The following MAGI2 variants were observed in gnomAD, a reference collection of about 807,000 sequenced individuals.
MAGI2 encodes membrane associated guanylate kinase, WW and PDZ domain containing 2.
In MAGI2, 35 loss-of-function variants were observed where a neutral mutation model predicts 133.3. The ratio of observed to expected loss-of-function variants is 0.26; its 90% CI spans 0.20 to 0.35. The LOEUF is 0.35. MAGI2 is among the 10% of genes least tolerant of loss of function. The pLI is 1.00. For missense variants in MAGI2, 1,636 were observed against 1,863.4 expected, an observed-to-expected ratio of 0.88 and a Z score of 2.25; for synonymous variants, 729 against 710.6, an observed-to-expected ratio of 1.03 and a Z score of -0.41.
chr7:78,434,775 T>A (rs1212538204), intron 6 of MAGI2, among the ~76,000 whole-genome samples: 1 of 152,010 alleles, frequency 6.6e-6, no homozygotes, highest in Non-Finnish European at 1.5e-5. Context: ...TGAATGGAAG[T>A]ACAGATATAT....
At chr7:78,371,730 A>C (rs1440032997) in intron 6 of MAGI2, among the ~76,000 whole-genome samples, 1 of 151,964 alleles carries the variant, frequency 6.6e-6, no homozygotes, top group Non-Finnish European at 1.5e-5. Context: ...GAATTTAGGG[A>C]GAATCTACTT....
At chr7:78,428,676 G>A (rs1012042554) in intron 6 of MAGI2, among the ~76,000 whole-genome samples, 6 of 152,180 alleles carry the variant, frequency 3.9e-5, no homozygotes, top group African/African-American at 1.4e-4. Context: ...CCCAAGCACT[G>A]AGACCCCATA....
chr7:79,019,080 A>G (rs1809025754), intron 1 of MAGI2, among the ~76,000 whole-genome samples: 1 of 152,226 alleles, frequency 6.6e-6, no homozygotes, highest in Non-Finnish European at 1.5e-5. Context: ...ACAAAAGAAC[A>G]GAATGTACAT....
intron 2 of MAGI2, among the ~76,000 whole-genome samples, chr7:78,670,825 G>A (rs765358567): frequency 6.6e-6 from 1 of 152,100 alleles, no homozygotes; most frequent in Admixed American, 6.6e-5. Context: ...TAACTTTTCA[G>A]TAAGACTCAA....
chr7:78,196,377 G>A (rs1290273172), intron 11 of MAGI2, among the ~76,000 whole-genome samples: 4 of 152,064 alleles, frequency 2.6e-5, no homozygotes, highest in African/African-American at 7.2e-5. Context: ...TGTATTACCA[G>A]TGCATAGTTA....
intron 15 of MAGI2, among the ~76,000 whole-genome samples, chr7:78,161,409 A>T (rs1309943211): frequency 2.0e-5 from 3 of 152,168 alleles, no homozygotes; most frequent in African/African-American, 7.2e-5. Context: ...TTAAAATTTG[A>T]TTAGTGTACT....
At chr7:78,415,685 C>T (rs1260219960) in intron 6 of MAGI2, among the ~76,000 whole-genome samples, 1 of 152,094 alleles carries the variant, frequency 6.6e-6, no homozygotes, top group African/African-American at 2.4e-5. Context: ...ACATCCTCAG[C>T]TTCACACAGA....
intron 1 of MAGI2, among the ~76,000 whole-genome samples, chr7:79,157,387 A>T (rs577389163): frequency 2.0e-5 from 3 of 151,908 alleles, no homozygotes; most frequent in Non-Finnish European, 4.4e-5. Flanking sequence ...AGGGCTGATC[A>T]CCCAGTGTTT....
At chr7:79,289,629 A>G (rs1836301217) in intron 1 of MAGI2, among the ~76,000 whole-genome samples, 1 of 152,144 alleles carries the variant, frequency 6.6e-6, no homozygotes, top group Admixed American at 6.6e-5. Flanking sequence ...TAGTGGTAAA[A>G]GGCAAATAAG....
At chr7:78,466,376 C>T (rs991873827) in intron 6 of MAGI2, among the ~76,000 whole-genome samples, 2 of 152,180 alleles carry the variant, frequency 1.3e-5, no homozygotes, top group Admixed American at 6.5e-5. Flanking sequence ...GGTGTGAACA[C>T]AAGCTGGGAA....
chr7:78,878,472 T>C (rs1795593984), intron 2 of MAGI2, among the ~76,000 whole-genome samples: 1 of 152,214 alleles, frequency 6.6e-6, no homozygotes, highest in African/African-American at 2.4e-5. Flanking sequence ...ATGTGGAATG[T>C]AAAAATTCAC....
intron 2 of MAGI2, among the ~76,000 whole-genome samples, chr7:78,665,827 A>G (rs1253547757): frequency 6.6e-6 from 1 of 152,178 alleles, no homozygotes; most frequent in African/African-American, 2.4e-5. Flanking sequence ...TTGAACAACT[A>G]TTATATGCCA....
chr7:78,132,351 C>T (rs1287245871), intron 18 of MAGI2, among the ~76,000 whole-genome samples: 1 of 152,224 alleles, frequency 6.6e-6, no homozygotes, highest in Non-Finnish European at 1.5e-5. Context: ...ACCGAGAGGC[C>T]TTCTTATAAA....
intron 2 of MAGI2, among the ~76,000 whole-genome samples, chr7:78,893,820 T>A (rs1179626751): frequency 1.3e-5 from 2 of 152,136 alleles, no homozygotes; most frequent in Non-Finnish European, 2.9e-5. Context: ...GGCGCATATA[T>A]ACATATGTAA....
intron 1 of MAGI2, among the ~76,000 whole-genome samples, chr7:79,039,694 CA>C (rs1196628674): frequency 3.3e-5 from 5 of 151,276 alleles, no homozygotes; most frequent in African/African-American, 1.2e-4. Context: ...AAAAAGTGGG[CA>C]AAGAGGTTGG....
intron 2 of MAGI2, among the ~76,000 whole-genome samples, chr7:78,874,710 T>A (rs967498951): frequency 1.3e-5 from 2 of 152,162 alleles, no homozygotes; most frequent in Non-Finnish European, 1.5e-5. Context: ...TAAGTTCTAG[T>A]GTTCCATTAC....
chr7:78,293,728 A>C (rs1796951660), intron 9 of MAGI2, among the ~76,000 whole-genome samples: 1 of 152,220 alleles, frequency 6.6e-6, no homozygotes. Flanking sequence ...AATGTGGCAC[A>C]TATACACCAT....
chr7:78,467,938 A>G (rs17433679), intron 6 of MAGI2, among the ~76,000 whole-genome samples: 9,524 of 152,250 alleles, frequency 0.063, 396 homozygotes, highest in Non-Finnish European at 0.091. Context: ...CTAGAATACT[A>G]TATGAGAAAC....
chr7:79,085,492 G>A (rs546050796), intron 1 of MAGI2, among the ~76,000 whole-genome samples: 2 of 151,778 alleles, frequency 1.3e-5, no homozygotes, highest in Non-Finnish European at 2.9e-5. Flanking sequence ...GCTTCATCAG[G>A]AACAGTTTCT....
Sources: gnomAD v4.1 joint callset for allele counts (sites outside exome capture counted in the v4.1 genomes callset) on GRCh38, gnomAD v4.1.1 for gene constraint, MANE v1.5 for transcripts, NCBI Gene and HGNC (gene_info 2026-07-23, HGNC 2026-07-21) for gene names.